The following AMPH variants were observed in gnomAD, a reference collection of about 807,000 sequenced individuals.
The protein encoded by AMPH is amphiphysin, also known as amphiphysin (Stiff-Mann syndrome with breast cancer 128kD autoantigen).
AMPH carries 49 observed loss-of-function variants against 99.1 expected under a neutral mutation model. That is an observed-to-expected ratio of 0.49 (90% CI 0.39 to 0.63). The LOEUF (loss-of-function observed/expected upper bound fraction) is 0.63. AMPH is among the 20% of genes least tolerant of loss of function. The pLI is 0.00. For missense variants in AMPH, 759 were observed against 863.4 expected (o/e 0.88, Z 1.52); for synonymous variants, 314 against 317.3 (o/e 0.99, Z 0.11).
chr7:38,627,399 A>T (rs1794293586), intron 1 of AMPH, among the ~76,000 whole-genome samples: 1 of 150,316 alleles, frequency 6.7e-6, no homozygotes, highest in Non-Finnish European at 1.5e-5. Flanking sequence ...AAAAAAAAAA[A>T]AATTAGCCGG....
intron 1 of AMPH, among the ~76,000 whole-genome samples, chr7:38,623,316 C>T (rs1459151510): frequency 1.3e-5 from 2 of 152,122 alleles, no homozygotes; most frequent in Non-Finnish European, 2.9e-5. Context: ...AGAATGGTAA[C>T]TTTTATTAAT....
chr7:38,425,026 A>T (rs1785732654), intron 15 of AMPH, among the ~76,000 whole-genome samples: 1 of 152,232 alleles, frequency 6.6e-6, no homozygotes, highest in South Asian at 2.1e-4. Context: ...CCAAACTAGC[A>T]GTCCAGTATA....
intron 11 of AMPH, among the ~76,000 whole-genome samples, chr7:38,443,263 T>C (rs1289842987): frequency 1.3e-5 from 2 of 152,024 alleles, no homozygotes; most frequent in East Asian, 3.9e-4. Context: ...AGAGCCCAGA[T>C]GAGTTCTCCG....
intron 15 of AMPH, among the ~76,000 whole-genome samples, chr7:38,423,484 T>C (rs997206884): frequency 2.0e-5 from 3 of 152,208 alleles, no homozygotes; most frequent in African/African-American, 7.2e-5. Context: ...GAAGATGGTG[T>C]TTTGAACACA....
At chr7:38,421,080 T>G (rs1289509014) in intron 16 of AMPH, 2 of 456,274 alleles carry the variant, frequency 4.4e-6, no homozygotes, top group Non-Finnish European at 8.8e-6. Flanking sequence ...AAAGCTAAGT[T>G]CCCCATGGAA....
At chr7:38,395,313 C>T (rs1331666632) in intron 17 of AMPH, among the ~76,000 whole-genome samples, 1 of 152,078 alleles carries the variant, frequency 6.6e-6, no homozygotes, top group Non-Finnish European at 1.5e-5. Context: ...CATGGTAATG[C>T]TCCAAATAGC....
intron 12 of AMPH, 120 bp from the exon 13 acceptor site, chr7:38,432,332 C>A: frequency 2.3e-6 from 2 of 872,130 alleles, no homozygotes; most frequent in South Asian, 3.1e-5. Flanking sequence ...CAGTACTGTT[C>A]AATAAAACTT....
chr7:38,397,866 A>C (rs1159086855), intron 17 of AMPH, among the ~76,000 whole-genome samples: 5 of 152,308 alleles, frequency 3.3e-5, no homozygotes, highest in African/African-American at 1.2e-4. Flanking sequence ...TAGACAGTTC[A>C]CAAAAGAAGA....
intron 11 of AMPH, among the ~76,000 whole-genome samples, chr7:38,441,546 A>G (rs897801826): frequency 1.3e-5 from 2 of 151,876 alleles, no homozygotes; most frequent in Non-Finnish European, 2.9e-5. Flanking sequence ...ACAAACAAAC[A>G]AATGAACAAA....
At chr7:38,391,119 C>G (rs1179369597) in intron 19 of AMPH, among the ~76,000 whole-genome samples, 1 of 152,062 alleles carries the variant, frequency 6.6e-6, no homozygotes, top group Non-Finnish European at 1.5e-5. Flanking sequence ...CAGGAAACAT[C>G]TGAGACAGGA....
At chr7:38,548,499 C>T (rs1584232810) in intron 1 of AMPH, among the ~76,000 whole-genome samples, 1 of 152,218 alleles carries the variant, frequency 6.6e-6, no homozygotes, top group East Asian at 1.9e-4. Flanking sequence ...TTTATATGTC[C>T]TTTGACTGGA....
chr7:38,496,163 C>T (rs993602304), intron 3 of AMPH, among the ~76,000 whole-genome samples: 2 of 152,100 alleles, frequency 1.3e-5, no homozygotes, highest in Admixed American at 6.6e-5. Context: ...TCAGTGAATC[C>T]TAAGATAAAA....
intron 5 of AMPH, among the ~76,000 whole-genome samples, chr7:38,484,625 C>T (rs1788418924): frequency 6.6e-6 from 1 of 151,900 alleles, no homozygotes; most frequent in African/African-American, 2.4e-5. Context: ...TTAAAGGACA[C>T]TAAACAGCAA....
Position 38,594,519 on chromosome 7 carries a change from T to TA in AMPH, c.69+36763dup, listed in dbSNP as rs1466819581. Among the ~76,000 whole-genome samples, 23 of 152,246 alleles carry TA rather than the reference T, an allele frequency of 1.5e-4. No homozygotes were observed. In the South Asian group the frequency reaches 4.6e-3, roughly 30 times the overall value. ...CTTGGTTATTGTCCTGTTTTATGGT[T>TA]AAGAGACCTGAGACTCAGTAGATGT... On this transcript the variant is annotated intron_variant, in intron 1 of 20. Transcript: ENST00000356264.
At chr7:38,559,366 G>C (rs561193710) in intron 1 of AMPH, among the ~76,000 whole-genome samples, 1 of 152,238 alleles carries the variant, frequency 6.6e-6, no homozygotes, top group East Asian at 1.9e-4. Flanking sequence ...TTTTAGGCCG[G>C]AGAACAACAG....
intron 7 of AMPH, among the ~76,000 whole-genome samples, chr7:38,468,435 A>G (rs1787750165): frequency 6.6e-6 from 1 of 152,178 alleles, no homozygotes; most frequent in African/African-American, 2.4e-5. Context: ...ATTCTTCTAT[A>G]TTTCAATTTT....
chr7:38,418,602 T>A (rs772092069), intron 16 of AMPH, among the ~76,000 whole-genome samples: 27 of 152,246 alleles, frequency 1.8e-4, no homozygotes, highest in Non-Finnish European at 4.4e-5. Context: ...TATTTGCTAC[T>A]ACAATCATAG....
intron 2 of AMPH, among the ~76,000 whole-genome samples, chr7:38,511,138 T>C (rs1352970703): frequency 6.6e-6 from 1 of 152,092 alleles, no homozygotes; most frequent in Admixed American, 6.5e-5. Context: ...TTACATAAAG[T>C]ATCTGCTGAG....
chr7:38,481,560 G>A (rs1158941470), intron 5 of AMPH, among the ~76,000 whole-genome samples: 1 of 152,130 alleles, frequency 6.6e-6, no homozygotes, highest in Non-Finnish European at 1.5e-5. Context: ...AAGCCTGCCT[G>A]GGTTGGTGAC....
Sources: allele counts gnomAD v4.1 joint callset (sites outside exome capture counted in the v4.1 genomes callset), GRCh38; gene constraint gnomAD v4.1.1; transcripts MANE v1.5; gene names NCBI Gene and HGNC (gene_info 2026-07-23, HGNC 2026-07-21).